The following CCDC88C variants were observed in gnomAD, a reference collection of about 807,000 sequenced individuals.
The protein encoded by CCDC88C is protein Daple.
Under a neutral mutation model 198.8 loss-of-function variants are expected in CCDC88C, and 131 were observed. The ratio of observed to expected loss-of-function variants is 0.66; its 90% confidence interval spans 0.57 to 0.76. CCDC88C has a LOEUF of 0.76. Among genes scored for constraint, CCDC88C ranks in the 30% least tolerant of loss-of-function variants. The pLI is 0.00. For synonymous variants in CCDC88C, 1,166 were observed against 1,114.7 expected (o/e 1.05, Z -0.92); for missense variants, 2,553 against 2,631.6 (o/e 0.97, Z 0.65).
At chr14:91,322,523 G>A (rs1337453408) in intron 12 of CCDC88C, among the ~76,000 whole-genome samples, 1 of 152,180 alleles carries the variant, frequency 6.6e-6, no homozygotes, top group Non-Finnish European at 1.5e-5. Context: ...TCCCAAATAA[G>A]CTGTAAATGA....
At position 91,338,299 on chromosome 14, in the gene CCDC88C, T is replaced by C; in HGVS notation, c.892-136A>G. 1 of 1,095,516 alleles carries C rather than the reference T, an allele frequency of 9.1e-7. No homozygotes were observed. Among genetic ancestry groups the C allele is most frequent in the Non-Finnish European group, 1.3e-6 (1 of 760,240 alleles). 67.9% of individuals were successfully genotyped at this position (1,095,516 alleles called of 1,614,324 possible). A position where few individuals can be genotyped will look rare whatever the true frequency, so the allele number is the denominator to read the frequency against. On this transcript the variant is annotated intron_variant, in intron 9 of 29. Coordinates refer to ENST00000389857, the MANE Select transcript of CCDC88C (RefSeq NM_001080414.4). This position sits in a 1 kb window ranked among gnomAD's most constrained non-coding sequence, Gnocchi z 4.8. Reference sequence around the variant, plus strand: ...CTCCTGGTGGCCGGGGGCCTCCATGTGCCACCACCACACGGGATCTCCACC... The same window carrying C: ...CTCCTGGTGGCCGGGGGCCTCCATGCGCCACCACCACACGGGATCTCCACC...
At chr14:91,334,898 T>A (rs1285774) in intron 10 of CCDC88C, among the ~76,000 whole-genome samples, 1,831 of 152,094 alleles carry the variant, frequency 0.012, 30 homozygotes, top group East Asian at 0.022. Context: ...TGAGCTGCAT[T>A]CTAAGTTAAG....
At chr14:91,362,337 T>C (rs945234335) in intron 3 of CCDC88C, among the ~76,000 whole-genome samples, 7 of 152,204 alleles carry the variant, frequency 4.6e-5, no homozygotes, top group Non-Finnish European at 1.0e-4. Context: ...TTCCAACTCT[T>C]GGCTAGCTTT....
Position 91,303,688 on chromosome 14 carries a change from C to A in CCDC88C, c.3635+13G>T, listed in dbSNP as rs745749192. 5 of 1,558,484 alleles carry A rather than the reference C, an allele frequency of 3.2e-6. No individual in the cohort carries two copies. Among genetic ancestry groups the A allele is most frequent in the Non-Finnish European group, 4.4e-6 (5 of 1,149,092 alleles). On this transcript the variant is annotated intron_variant, in intron 20 of 29. Coordinates refer to ENST00000389857, the MANE Select transcript of CCDC88C (RefSeq NM_001080414.4). ...TACCCCTCCCCAGATCCCCTTCCTT[C>A]CCCAGGCCCTACCTCTCCCCGAGCT...
chr14:91,318,027 G>T (rs1419421236), intron 13 of CCDC88C, among the ~76,000 whole-genome samples: 1 of 152,206 alleles, frequency 6.6e-6, no homozygotes, highest in East Asian at 1.9e-4. Context: ...AGAGCTGGAG[G>T]TTCTCATCTT....
chr14:91,355,976 G>T (rs1846329689), intron 4 of CCDC88C, among the ~76,000 whole-genome samples: 1 of 152,010 alleles, frequency 6.6e-6, no homozygotes. Context: ...ACAGTACAGT[G>T]TTAGCATCCA....
At chr14:91,361,477 T>C (rs1034942162) in intron 3 of CCDC88C, among the ~76,000 whole-genome samples, 1 of 152,190 alleles carries the variant, frequency 6.6e-6, no homozygotes, top group Non-Finnish European at 1.5e-5. Flanking sequence ...ACATAGAAGA[T>C]GGTCTTCTCG....
chr14:91,294,168 C>T lies in CCDC88C; in HGVS notation c.4112+5G>A, dbSNP rs1375730506. 5 of 1,613,762 alleles carry T rather than the reference C, an allele frequency of 3.1e-6. No homozygotes were observed. The highest frequency in any genetic ancestry group is 1.3e-5 in the African/African-American group (1 of 74,926). On this transcript the variant is annotated splice_donor_5th_base_variant and intron_variant, in intron 23 of 29. Transcript: ENST00000389857. The stretch of plus-strand genomic sequence containing the variant: ...CGGAGAGGGGTTCAGGGACTCCCTG[C>T]TTACATGTACTGCTTCTGCTCCTCA...
intron 17 of CCDC88C, among the ~76,000 whole-genome samples, chr14:91,307,996 G>A (rs1455673664): frequency 6.6e-6 from 1 of 152,250 alleles, no homozygotes; most frequent in African/African-American, 2.4e-5. Context: ...ATGAGTCCCT[G>A]TGCACCCATC....
At chr14:91,301,320 G>C (rs901963647) in intron 20 of CCDC88C, among the ~76,000 whole-genome samples, 3 of 152,318 alleles carry the variant, frequency 2.0e-5, no homozygotes, top group Middle Eastern at 6.8e-3. Context: ...CCAGCAAAAA[G>C]CACTGAGTAA....
chr14:91,286,857 C>G (rs1054088712), intron 25 of CCDC88C, among the ~76,000 whole-genome samples: 2 of 152,216 alleles, frequency 1.3e-5, no homozygotes, highest in African/African-American at 4.8e-5. Context: ...ATGTTTTACA[C>G]TGCTGAGCCT....
Position 91,338,667 on chromosome 14 carries a change from A to C in CCDC88C, c.810-97T>G, listed in dbSNP as rs1893167223. 1.1e-6 allele frequency: 1 copy of C among 915,292 alleles called. No homozygotes were observed. Among genetic ancestry groups the C allele is most frequent in the East Asian group, 2.7e-5 (1 of 37,656 alleles). The allele number at this position is 915,292 out of a possible 1,614,324, so 56.7% of individuals were successfully genotyped here. ...ACTTCCTAAAACCTGTGGGAAAAGG[A>C]AAGGACTCGGGATTTGGGCGGTGGG... On this transcript the variant is annotated intron_variant, in intron 8 of 29. Coordinates refer to ENST00000389857, the MANE Select transcript of CCDC88C (RefSeq NM_001080414.4). This position sits in a 1 kb window ranked among gnomAD's most constrained non-coding sequence, Gnocchi z 4.8.
intron 10 of CCDC88C, among the ~76,000 whole-genome samples, chr14:91,332,795 T>A (rs1242027568): frequency 3.3e-5 from 5 of 152,170 alleles, no homozygotes; most frequent in Non-Finnish European, 7.4e-5. Flanking sequence ...GCAAGCCTTG[T>A]AACTGCAGAG....
chr14:91,340,129 A>G lies in CCDC88C; in HGVS notation c.484-105T>C. On this transcript the variant is annotated intron_variant, in intron 6 of 29. Coordinates refer to ENST00000389857, the MANE Select transcript of CCDC88C (RefSeq NM_001080414.4). Reference sequence around the variant, plus strand: ...TTCCAATCAACCTTACTAATCCCTCAGTGACAAATTTACGGTGGCCAGCAA... The same window carrying G: ...TTCCAATCAACCTTACTAATCCCTCGGTGACAAATTTACGGTGGCCAGCAA... 2.0e-6 allele frequency: 3 copies of G among 1,471,646 alleles called. No homozygotes were observed. The East Asian group carries it at 7.4e-5, about 36-fold the overall frequency. 91.2% of individuals were successfully genotyped at this position (1,471,646 alleles called of 1,614,324 possible). A position where few individuals can be genotyped will look rare whatever the true frequency, so the allele number is the denominator to read the frequency against.
chr14:91,411,017 C>T (rs1445745046), intron 2 of CCDC88C, among the ~76,000 whole-genome samples: 1 of 152,178 alleles, frequency 6.6e-6, no homozygotes, highest in African/African-American at 2.4e-5. Context: ...TTGTTCTCCC[C>T]AGTTCTTGCA....
At chr14:91,388,901 T>A (rs545564528) in intron 3 of CCDC88C, among the ~76,000 whole-genome samples, 1 of 152,180 alleles carries the variant, frequency 6.6e-6, no homozygotes, top group East Asian at 1.9e-4. Flanking sequence ...CAGGGAACCC[T>A]GAAGCACCTG....
intron 14 of CCDC88C, 59 bp from the exon 15 acceptor site, chr14:91,314,209 T>G: frequency 7.3e-7 from 1 of 1,377,826 alleles, no homozygotes; most frequent in Non-Finnish European, 9.9e-7. Flanking sequence ...TTCAGTGACA[T>G]GGGCTCACAC....
intron 3 of CCDC88C, among the ~76,000 whole-genome samples, chr14:91,390,142 C>T (rs901708055): frequency 6.6e-6 from 1 of 151,906 alleles, no homozygotes; most frequent in Non-Finnish European, 1.5e-5. Context: ...GAGTCCTGCT[C>T]AATGAGCCAT....
At chr14:91,407,436 G>A (rs1250022654) in intron 3 of CCDC88C, among the ~76,000 whole-genome samples, 2 of 152,192 alleles carry the variant, frequency 1.3e-5, no homozygotes, top group Admixed American at 6.5e-5. Flanking sequence ...AGCCAAGTGC[G>A]AGGCACAGGT....
Sources: gnomAD v4.1 joint callset for allele counts (sites outside exome capture counted in the v4.1 genomes callset) on GRCh38, gnomAD v4.1.1 for gene constraint, Gnocchi (gnomAD v3.1) non-coding constraint, MANE v1.5 for transcripts, NCBI Gene and HGNC (gene_info 2026-07-23, HGNC 2026-07-21) for gene names.